SEMA5A: variants seen among roughly 807,000 people sequenced by gnomAD.
The protein encoded by SEMA5A is semaphorin 5A, also known as semaphorin-5A.
A neutral mutation model predicts 135.5 loss-of-function variants in SEMA5A; 55 were observed. That is an observed-to-expected ratio of 0.41 (90% CI 0.33 to 0.51). The LOEUF (loss-of-function observed/expected upper bound fraction) is 0.51, where lower values mean the gene tolerates loss of function less well. Ranked by LOEUF, SEMA5A falls within the 20% of genes least tolerant of loss-of-function variation. The pLI, the probability that SEMA5A is intolerant of heterozygous loss-of-function variation, is 0.37. For missense variants in SEMA5A, 1,290 were observed against 1,419.9 expected (o/e 0.91, Z 1.47); for synonymous variants, 580 against 546.5 (o/e 1.06, Z -0.85).
At chr5:9,273,613 G>A (rs1263934112) in intron 5 of SEMA5A, among the ~76,000 whole-genome samples, 1 of 152,006 alleles carries the variant, frequency 6.6e-6, no homozygotes, top group Non-Finnish European at 1.5e-5. Flanking sequence ...ACCCACAAAG[G>A]GAATCCCATC....
intron 1 of SEMA5A, among the ~76,000 whole-genome samples, chr5:9,451,830 T>C (rs1325857219): frequency 6.6e-6 from 1 of 152,164 alleles, no homozygotes; most frequent in Non-Finnish European, 1.5e-5. Context: ...CCGTCTTCTT[T>C]CCTGCACGGC....
At chr5:9,416,219 T>C (rs1262754176) in intron 2 of SEMA5A, among the ~76,000 whole-genome samples, 1 of 152,200 alleles carries the variant, frequency 6.6e-6, no homozygotes, top group Non-Finnish European at 1.5e-5. Context: ...GGATTTTATG[T>C]GCTCCATCCT....
intron 2 of SEMA5A, among the ~76,000 whole-genome samples, chr5:9,393,772 G>A (rs1756268574): frequency 6.6e-6 from 1 of 152,188 alleles, no homozygotes; most frequent in African/African-American, 2.4e-5. Context: ...AATAAGAACA[G>A]TGAGAATGTG....
intron 5 of SEMA5A, among the ~76,000 whole-genome samples, chr5:9,250,961 A>C (rs889569783): frequency 2.6e-5 from 4 of 152,156 alleles, no homozygotes; most frequent in Admixed American, 1.3e-4. Context: ...GCTCCACCAA[A>C]ATTTATGTTG....
intron 5 of SEMA5A, among the ~76,000 whole-genome samples, chr5:9,299,807 C>G (rs1387883386): frequency 1.3e-5 from 2 of 152,138 alleles, no homozygotes; most frequent in Non-Finnish European, 2.9e-5. Context: ...CCAAATGGCA[C>G]AGACAAAAGC....
intron 13 of SEMA5A, among the ~76,000 whole-genome samples, chr5:9,126,210 C>A (rs1741102821): frequency 6.6e-6 from 1 of 152,122 alleles, no homozygotes; most frequent in Non-Finnish European, 1.5e-5. Flanking sequence ...ACCATGGGAG[C>A]TGTGACCATC....
At chr5:9,314,691 C>T (rs572514050) in intron 5 of SEMA5A, among the ~76,000 whole-genome samples, 12 of 151,052 alleles carry the variant, frequency 7.9e-5, no homozygotes, top group African/African-American at 2.5e-4. Flanking sequence ...GCTGGAGACA[C>T]GTGATATAAA....
At chr5:9,221,470 T>G (rs1746976276) in intron 8 of SEMA5A, among the ~76,000 whole-genome samples, 2 of 147,560 alleles carry the variant, frequency 1.4e-5, no homozygotes, top group East Asian at 2.0e-4. Context: ...GCCCGGCTAA[T>G]TTTTTCTATT....
At chr5:9,243,441 CT>C (rs1561063928) in intron 5 of SEMA5A, among the ~76,000 whole-genome samples, 1 of 152,048 alleles carries the variant, frequency 6.6e-6, no homozygotes, top group Non-Finnish European at 1.5e-5. Context: ...TAGAAAGACT[CT>C]TTTTTCAAAT....
chr5:9,301,162 A>G (rs563161143), intron 5 of SEMA5A, among the ~76,000 whole-genome samples: 7 of 152,332 alleles, frequency 4.6e-5, no homozygotes, highest in South Asian at 2.1e-4. Flanking sequence ...GAGTTACATG[A>G]GCTAAATGAC....
Position 9,039,750 on chromosome 5 carries a change from C to T in SEMA5A, c.*3147G>A, listed in dbSNP as rs974542821. The T allele has an allele frequency of 6.6e-6, 1 of 152,232 alleles. No individual in the cohort carries two copies. Among genetic ancestry groups the T allele is most frequent in the African/African-American group, 2.4e-5 (1 of 41,424 alleles). The allele number at this position is 152,232 out of a possible 1,614,324, so 9.4% of individuals were successfully genotyped here. Reference sequence around the variant, plus strand: ...AGCCTGACCACGTGCCCCCTGAGTTCCTTAGAATTCACTAAGTCCATATCA... The same window carrying T: ...AGCCTGACCACGTGCCCCCTGAGTTTCTTAGAATTCACTAAGTCCATATCA... On this transcript the variant is annotated 3_prime_UTR_variant, in exon 23 of 23. Transcript: ENST00000382496.
chr5:9,179,058 A>G (rs967709515), intron 11 of SEMA5A, among the ~76,000 whole-genome samples: 6 of 152,312 alleles, frequency 3.9e-5, no homozygotes, highest in African/African-American at 1.4e-4. Context: ...CACTGAATCA[A>G]GATTATGAAA....
chr5:9,080,328 C>T (rs549103630), intron 16 of SEMA5A, among the ~76,000 whole-genome samples: 5 of 152,210 alleles, frequency 3.3e-5, no homozygotes, highest in Non-Finnish European at 7.4e-5. Flanking sequence ...TGTTCTCACT[C>T]ATAAGTAGGA....
At chr5:9,217,268 G>A (rs1276153546) in intron 8 of SEMA5A, among the ~76,000 whole-genome samples, 1 of 152,100 alleles carries the variant, frequency 6.6e-6, no homozygotes, top group African/African-American at 2.4e-5. Flanking sequence ...TGAAATTCTT[G>A]GTTGAAGACT....
At chr5:9,452,715 T>C (rs747196103) in intron 1 of SEMA5A, among the ~76,000 whole-genome samples, 134 of 152,270 alleles carry the variant, frequency 8.8e-4, no homozygotes, top group Non-Finnish European at 1.7e-3. Context: ...CTAAATTATA[T>C]AATAAGAGGA....
chr5:9,131,335 G>A (rs1431929137), intron 13 of SEMA5A, among the ~76,000 whole-genome samples: 2 of 151,974 alleles, frequency 1.3e-5, no homozygotes, highest in Non-Finnish European at 2.9e-5. Context: ...TCAGCTGGGC[G>A]CAGTGGCTCA....
chr5:9,243,038 G>A (rs1748290186), intron 5 of SEMA5A, among the ~76,000 whole-genome samples: 1 of 152,218 alleles, frequency 6.6e-6, no homozygotes, highest in African/African-American at 2.4e-5. Context: ...GGTGCTCCCA[G>A]CCTGTTGAAT....
intron 5 of SEMA5A, among the ~76,000 whole-genome samples, chr5:9,269,737 T>G (rs1749869994): frequency 6.6e-6 from 1 of 152,164 alleles, no homozygotes; most frequent in African/African-American, 2.4e-5. Context: ...AAAATATCTA[T>G]TTATATTCTC....
At chr5:9,239,660 TG>T (rs67460956) in intron 5 of SEMA5A, among the ~76,000 whole-genome samples, 29,092 of 151,836 alleles carry the variant, frequency 0.19, 3,028 homozygotes, top group African/African-American at 0.3. Flanking sequence ...TGAAAGAATA[TG>T]ATATATTCTT....
Sources: gnomAD v4.1 joint callset for allele counts (sites outside exome capture counted in the v4.1 genomes callset) on GRCh38, gnomAD v4.1.1 for gene constraint, MANE v1.5 for transcripts, NCBI Gene and HGNC (gene_info 2026-07-23, HGNC 2026-07-21) for gene names.